The following UNC13C variants were observed in gnomAD, a reference collection of about 807,000 sequenced individuals.
UNC13C encodes the protein unc-13 homolog C, also known as protein unc-13 homolog C.
In UNC13C, 174 loss-of-function variants were observed where a neutral mutation model predicts 245.4. The ratio of observed to expected loss-of-function variants is 0.71; its 90% CI spans 0.63 to 0.80. The LOEUF is 0.80. Ranked by LOEUF, UNC13C falls within the 30% of genes least tolerant of loss-of-function variation. The pLI is 0.00. For synonymous variants in UNC13C, 992 were observed against 895.1 expected (o/e 1.11, Z -1.93); for missense variants, 2,829 against 2,602.9 (o/e 1.09, Z -1.89).
intron 4 of UNC13C, among the ~76,000 whole-genome samples, chr15:54,203,089 C>T (rs1474119739): frequency 2.0e-5 from 3 of 151,988 alleles, no homozygotes; most frequent in Non-Finnish European, 2.9e-5. Flanking sequence ...CCCAACATCA[C>T]TAACTGTCAG....
At chr15:54,564,195 C>T (rs1483463602) in intron 29 of UNC13C, among the ~76,000 whole-genome samples, 2 of 151,922 alleles carry the variant, frequency 1.3e-5, no homozygotes, top group Admixed American at 6.6e-5. Context: ...GTTTCTGTCT[C>T]GGGACATTTC....
chr15:54,288,851 C>G (rs889065889), intron 10 of UNC13C, among the ~76,000 whole-genome samples: 4 of 152,026 alleles, frequency 2.6e-5, no homozygotes, highest in Non-Finnish European at 5.9e-5. Flanking sequence ...TATCTCTTGG[C>G]TCCTCTGTTC....
At chr15:53,999,351 T>G (rs775179064) in intron 1 of UNC13C, among the ~76,000 whole-genome samples, 11 of 151,820 alleles carry the variant, frequency 7.2e-5, no homozygotes, top group Non-Finnish European at 1.3e-4. Context: ...TTCCTTAGTT[T>G]TTATAATATG....
intron 11 of UNC13C, among the ~76,000 whole-genome samples, chr15:54,295,697 T>C (rs1002207077): frequency 1.4e-5 from 2 of 146,350 alleles, no homozygotes; most frequent in Non-Finnish European, 3.0e-5. Context: ...AAAAACCATG[T>C]ACCAGACTAT....
intron 26 of UNC13C, among the ~76,000 whole-genome samples, chr15:54,541,925 G>C (rs1413586307): frequency 6.6e-6 from 1 of 151,922 alleles, no homozygotes; most frequent in Non-Finnish European, 1.5e-5. Flanking sequence ...TATTTCCTTG[G>C]TGTTCCTAGA....
chr15:54,226,671 G>T (rs2035393478), intron 4 of UNC13C, among the ~76,000 whole-genome samples: 1 of 152,194 alleles, frequency 6.6e-6, no homozygotes, highest in Non-Finnish European at 1.5e-5. Context: ...CTGGGGTCCA[G>T]CCACGGTGTA....
intron 24 of UNC13C, among the ~76,000 whole-genome samples, chr15:54,515,743 A>T (rs917094786): frequency 2.0e-5 from 3 of 152,204 alleles, no homozygotes; most frequent in Non-Finnish European, 2.9e-5. Context: ...GTTAGCTGTT[A>T]TTAAGACATT....
chr15:54,580,654 A>G (rs2141238118), intron 30 of UNC13C, among the ~76,000 whole-genome samples: 1 of 152,346 alleles, frequency 6.6e-6, no homozygotes. Flanking sequence ...CCCATGAAAC[A>G]CTTTGCACAT....
intron 4 of UNC13C, among the ~76,000 whole-genome samples, chr15:54,161,323 G>A (rs997968876): frequency 2.6e-5 from 4 of 152,168 alleles, no homozygotes; most frequent in African/African-American, 4.8e-5. Context: ...TTTGGACACA[G>A]AGAGTGGAGA....
At chr15:53,949,079 A>C in the UNC13C span, among the ~76,000 whole-genome samples, 1 of 152,236 alleles carries the variant, frequency 6.6e-6, no homozygotes, top group African/African-American at 2.4e-5. Flanking sequence ...TCTACAGAGG[A>C]GTACAGAAAA....
chr15:54,014,638 C>T lies in UNC13C; in HGVS notation c.1735C>T (p.Leu579=), dbSNP rs202199076. Residue 579 remains leucine (L), a synonymous_variant, in exon 2 of 33, where the codon CTG becomes TTG. Coordinates refer to ENST00000260323, the MANE Select transcript of UNC13C (RefSeq NM_001080534.3). The part of the protein sequence containing the change: ...FFTRTNGSSL[L]SSSDRELWQR... Reference sequence around the variant, plus strand: ...CACTAGAACTAATGGAAGCTCTCTCCTGTCATCTTCGGACCGGGAGCTATG... The same window carrying T: ...CACTAGAACTAATGGAAGCTCTCTCTTGTCATCTTCGGACCGGGAGCTATG... 4.9e-4 allele frequency: 795 copies of T among 1,613,688 alleles called. 2 individuals carry two copies. Among genetic ancestry groups the T allele is most frequent in the Non-Finnish European group, 5.4e-4 (639 of 1,179,790 alleles).
intron 19 of UNC13C, among the ~76,000 whole-genome samples, chr15:54,462,564 C>A (rs1196590885): frequency 1.3e-5 from 2 of 152,232 alleles, no homozygotes; most frequent in Admixed American, 6.5e-5. Context: ...GGCCAGTGCC[C>A]CCGGCCCCGG....
At chr15:53,939,525 A>T in the UNC13C span, among the ~76,000 whole-genome samples, 4 of 152,178 alleles carry the variant, frequency 2.6e-5, no homozygotes, top group African/African-American at 9.6e-5. Flanking sequence ...CCTGGCAGAG[A>T]TACAACAGAA....
At chr15:54,588,879 G>A (rs998607862) in intron 30 of UNC13C, among the ~76,000 whole-genome samples, 17 of 152,114 alleles carry the variant, frequency 1.1e-4, no homozygotes, top group Admixed American at 4.6e-4. Context: ...TTATCCACTC[G>A]TTGATTGATG....
intron 4 of UNC13C, among the ~76,000 whole-genome samples, chr15:54,161,763 C>T (rs2032984543): frequency 6.6e-6 from 1 of 151,868 alleles, no homozygotes; most frequent in African/African-American, 2.4e-5. Context: ...ACAGCCTGAC[C>T]AACACAGAGA....
intron 1 of UNC13C, among the ~76,000 whole-genome samples, chr15:53,985,176 T>G (rs865858296): frequency 2.6e-5 from 4 of 151,914 alleles, no homozygotes; most frequent in Non-Finnish European, 5.9e-5. Flanking sequence ...CAGCTCCCAC[T>G]TATGAGTGAG....
At chr15:54,476,751 C>A (rs1363843053) in intron 19 of UNC13C, among the ~76,000 whole-genome samples, 4 of 147,454 alleles carry the variant, frequency 2.7e-5, no homozygotes, top group Non-Finnish European at 4.5e-5. Context: ...ATGATGCCTC[C>A]AGCTTTGTTC....
intron 4 of UNC13C, among the ~76,000 whole-genome samples, chr15:54,220,790 T>C (rs1394667420): frequency 4.0e-5 from 6 of 150,320 alleles, no homozygotes; most frequent in African/African-American, 1.0e-4. Flanking sequence ...TGTCTTATTG[T>C]TTCATTAAAA....
chr15:53,879,953 TTG>T, the UNC13C span, among the ~76,000 whole-genome samples: 130 of 147,626 alleles, frequency 8.8e-4, no homozygotes, highest in Admixed American at 1.4e-3. Context: ...GTGTGTGTGT[TTG>T]TGTGTGTGTG....
Sources: gnomAD v4.1 joint callset for allele counts (sites outside exome capture counted in the v4.1 genomes callset) on GRCh38, gnomAD v4.1.1 for gene constraint, MANE v1.5 for transcripts, NCBI Gene and HGNC (gene_info 2026-07-23, HGNC 2026-07-21) for gene names.